CCDC3: variants seen among roughly 807,000 people sequenced by gnomAD.
The protein encoded by CCDC3 is coiled-coil domain-containing protein 3.
Under a neutral mutation model 21.4 loss-of-function variants are expected in CCDC3, and 24 were observed. The observed-to-expected ratio is 1.12, with a 90% CI of 0.81 to 1.58. The LOEUF is 1.58. Ranked by LOEUF, CCDC3 falls within the 40% of genes most tolerant of loss-of-function variation. CCDC3 has a pLI of 0.00. For synonymous variants in CCDC3, 186 were observed against 166.0 expected (o/e 1.12, Z -0.93); for missense variants, 425 against 360.9 (o/e 1.18, Z -1.44).
intron 2 of CCDC3, among the ~76,000 whole-genome samples, chr10:12,927,563 G>A (rs1305978477): frequency 6.6e-6 from 1 of 151,232 alleles, no homozygotes; most frequent in Non-Finnish European, 1.5e-5. Flanking sequence ...TGAGAAACTG[G>A]TTCATTTATG....
chr10:13,072,678 C>CT (rs907082880), intron 4 of CCDC3, among the ~76,000 whole-genome samples: 9 of 97,180 alleles, frequency 9.3e-5, no homozygotes, highest in Non-Finnish European at 1.7e-4. Flanking sequence ...TGAGTTTTTT[C>CT]TTTTTTTTTC....
At chr10:12,915,432 C>A (rs929282597) in intron 2 of CCDC3, among the ~76,000 whole-genome samples, 4 of 152,148 alleles carry the variant, frequency 2.6e-5, no homozygotes, top group Admixed American at 6.5e-5. Context: ...GGTCACTGAC[C>A]TTCCTTAAAA....
chr10:12,946,868 C>T (rs927944862), intron 2 of CCDC3, among the ~76,000 whole-genome samples: 1 of 152,140 alleles, frequency 6.6e-6, no homozygotes, highest in Non-Finnish European at 1.5e-5. Flanking sequence ...TGTACTACCT[C>T]AAAATTATAC....
intron 4 of CCDC3, among the ~76,000 whole-genome samples, chr10:13,050,259 C>T (rs1245450650): frequency 6.6e-6 from 1 of 152,092 alleles, no homozygotes; most frequent in Non-Finnish European, 1.5e-5. Context: ...GCCTCATTTA[C>T]ACACAGCACA....
intron 1 of CCDC3, among the ~76,000 whole-genome samples, chr10:12,998,915 C>A (rs903771658): frequency 2.6e-5 from 4 of 152,160 alleles, no homozygotes; most frequent in African/African-American, 9.7e-5. Context: ...GTCTTAACTC[C>A]TCTAAGCTTC....
chr10:12,984,100 A>G (rs1206581636), intron 2 of CCDC3, among the ~76,000 whole-genome samples: 2 of 152,156 alleles, frequency 1.3e-5, no homozygotes, highest in Non-Finnish European at 2.9e-5. Context: ...AACAAACAAA[A>G]AACCCACAGT....
chr10:13,055,252 C>A (rs1836666467), intron 4 of CCDC3, among the ~76,000 whole-genome samples: 1 of 152,174 alleles, frequency 6.6e-6, no homozygotes, highest in Non-Finnish European at 1.5e-5. Flanking sequence ...AGAACTGGCA[C>A]AGCACCATTT....
intron 3 of CCDC3, among the ~76,000 whole-genome samples, chr10:13,095,082 C>T (rs541956646): frequency 6.6e-6 from 1 of 152,230 alleles, no homozygotes; most frequent in African/African-American, 2.4e-5. Context: ...TGCTGGATTT[C>T]AGGGAAAGGA....
At chr10:13,026,563 C>T (rs1011611194) in intron 5 of CCDC3, among the ~76,000 whole-genome samples, 1 of 151,988 alleles carries the variant, frequency 6.6e-6, no homozygotes, top group African/African-American at 2.4e-5. Context: ...GCATTCAATA[C>T]CTGGGATATA....
chr10:13,031,051 A>G (rs1836293674), intron 5 of CCDC3, among the ~76,000 whole-genome samples: 1 of 152,238 alleles, frequency 6.6e-6, no homozygotes, highest in Admixed American at 6.5e-5. Context: ...CATTCTTCTC[A>G]GCACCACATC....
intron 2 of CCDC3, among the ~76,000 whole-genome samples, chr10:12,930,328 G>C (rs1170280151): frequency 6.6e-6 from 1 of 152,192 alleles, no homozygotes; most frequent in Non-Finnish European, 1.5e-5. Flanking sequence ...ACATTTAATA[G>C]AGTGATGAAT....
At chr10:12,920,351 C>T (rs1014436763) in intron 2 of CCDC3, among the ~76,000 whole-genome samples, 30 of 152,158 alleles carry the variant, frequency 2.0e-4, no homozygotes, top group African/African-American at 4.1e-4. Context: ...ACAACATGTA[C>T]GAATTGTGGC....
intron 2 of CCDC3, among the ~76,000 whole-genome samples, chr10:12,904,435 C>G (rs12259118): frequency 3.3e-5 from 4 of 120,464 alleles, no homozygotes; most frequent in African/African-American, 1.2e-4. Context: ...CACCACTACA[C>G]TCCAGCCTAA....
intron 5 of CCDC3, among the ~76,000 whole-genome samples, chr10:13,048,571 T>C (rs971480234): frequency 3.3e-5 from 5 of 152,196 alleles, no homozygotes; most frequent in Non-Finnish European, 5.9e-5. Context: ...TACTTTCCTA[T>C]TGATGCCATT....
At chr10:13,063,356 G>A (rs968522468) in intron 4 of CCDC3, among the ~76,000 whole-genome samples, 6 of 126,836 alleles carry the variant, frequency 4.7e-5, no homozygotes, top group African/African-American at 1.5e-4. Context: ...TGATTTTTAT[G>A]TATGTATCAA....
In CCDC3 at chr10:12,975,998, G is replaced by T. The variant is rs1793482771; in HGVS notation, c.549+22340C>A. On this transcript the variant is annotated intron_variant, in intron 2 of 2. Coordinates refer to ENST00000378825, the MANE Select transcript of CCDC3 (RefSeq NM_031455.4). ...AGATGCAAATCCCTGCAGAGGTGGGGTTTCTGCTATTTGCCTGTAAGCCCT... is the reference window on the plus strand; with the variant it reads ...AGATGCAAATCCCTGCAGAGGTGGGTTTTCTGCTATTTGCCTGTAAGCCCT... Among the ~76,000 whole-genome samples the T allele has an allele frequency of 2.6e-5, 4 of 152,180 alleles. No homozygotes were observed. The South Asian group carries it at 8.3e-4, about 32-fold the overall frequency.
intron 2 of CCDC3, among the ~76,000 whole-genome samples, chr10:12,989,473 G>A (rs1289072168): frequency 6.6e-6 from 1 of 152,180 alleles, no homozygotes; most frequent in Non-Finnish European, 1.5e-5. Flanking sequence ...CCAAGCTGGA[G>A]TGTAATGGCA....
At chr10:12,916,256 A>C (rs1834353611) in intron 2 of CCDC3, among the ~76,000 whole-genome samples, 1 of 151,912 alleles carries the variant, frequency 6.6e-6, no homozygotes, top group Non-Finnish European at 1.5e-5. Context: ...ACATGGTGAA[A>C]CCCCGTCTCT....
At chr10:13,074,697 C>G (rs1232174809) in intron 3 of CCDC3, among the ~76,000 whole-genome samples, 1 of 151,918 alleles carries the variant, frequency 6.6e-6, no homozygotes, top group Non-Finnish European at 1.5e-5. Flanking sequence ...AGCACAAATA[C>G]GCGTGCACAC....
Sources: gnomAD v4.1 joint callset for allele counts (sites outside exome capture counted in the v4.1 genomes callset) on GRCh38, gnomAD v4.1.1 for gene constraint, MANE v1.5 for transcripts, NCBI Gene and HGNC (gene_info 2026-07-23, HGNC 2026-07-21) for gene names.